SLC2A13: variants seen among roughly 807,000 people sequenced by gnomAD.
The protein encoded by SLC2A13 is solute carrier family 2 member 13.
Under a neutral mutation model 64.4 loss-of-function variants are expected in SLC2A13, and 32 were observed. The ratio of observed to expected loss-of-function variants is 0.50; its 90% CI spans 0.37 to 0.67. The LOEUF is 0.67. Ranked by LOEUF, SLC2A13 falls within the 30% of genes least tolerant of loss-of-function variation. The pLI, the probability that SLC2A13 is intolerant of heterozygous loss-of-function variation, is 0.00. For synonymous variants in SLC2A13, 338 were observed against 327.1 expected (o/e 1.03, Z -0.36); for missense variants, 743 against 829.2 (o/e 0.90, Z 1.28).
intron 4 of SLC2A13, among the ~76,000 whole-genome samples, chr12:39,899,266 C>T (rs1212142901): frequency 1.6e-4 from 25 of 152,116 alleles, no homozygotes; most frequent in African/African-American, 2.6e-4. Flanking sequence ...AGTTTATTTG[C>T]GTAGAGGTGT....
chr12:40,044,414 T>C (rs1948141572), intron 2 of SLC2A13, among the ~76,000 whole-genome samples: 1 of 152,172 alleles, frequency 6.6e-6, no homozygotes, highest in South Asian at 2.1e-4. Flanking sequence ...CATAGCTCTG[T>C]GAATACACTA....
At chr12:39,878,744 A>C (rs1410100075) in intron 4 of SLC2A13, among the ~76,000 whole-genome samples, 1 of 152,248 alleles carries the variant, frequency 6.6e-6, no homozygotes, top group African/African-American at 2.4e-5. Flanking sequence ...GAAAAAGAAA[A>C]AAGCTTTTTT....
chr12:40,030,927 C>G (rs572432285), intron 2 of SLC2A13, among the ~76,000 whole-genome samples: 3 of 152,044 alleles, frequency 2.0e-5, no homozygotes, highest in African/African-American at 7.2e-5. Flanking sequence ...GAATTTGTAC[C>G]CTCCTGCCAA....
chr12:39,769,810 T>A (rs1940497065), intron 7 of SLC2A13, among the ~76,000 whole-genome samples: 1 of 152,038 alleles, frequency 6.6e-6, no homozygotes, highest in East Asian at 1.9e-4. Flanking sequence ...AAGTTTATAC[T>A]CACGAGCTCT....
chr12:39,835,948 G>A (rs1200329687), intron 6 of SLC2A13, among the ~76,000 whole-genome samples: 6 of 152,082 alleles, frequency 3.9e-5, no homozygotes, highest in East Asian at 1.9e-4. Context: ...AAATTGCCAC[G>A]TGGTGAAAGC....
At chr12:40,007,687 C>A (rs1380082663) in intron 3 of SLC2A13, among the ~76,000 whole-genome samples, 3 of 152,040 alleles carry the variant, frequency 2.0e-5, no homozygotes, top group Non-Finnish European at 2.9e-5. Context: ...TAAACTTGGG[C>A]AAGATTGTTA....
rs900132716 is a variant in SLC2A13 at position 39,803,247 on chromosome 12, C to T, written c.1445+26856G>A. Reference sequence around the variant, plus strand: ...ACTTTCTAGAAGGACAAGCTCTCAACAGAGGCTGCACAGGATTGCCACAGA... The same window carrying T: ...ACTTTCTAGAAGGACAAGCTCTCAATAGAGGCTGCACAGGATTGCCACAGA... On this transcript the variant is annotated intron_variant, in intron 7 of 9. Coordinates refer to ENST00000280871, the MANE Select transcript of SLC2A13 (RefSeq NM_052885.4). 3.4e-5 allele frequency among the ~76,000 whole-genome samples: 5 copies of T among 145,416 alleles called. No homozygotes were observed. The East Asian group carries it at 8.1e-4, about 24-fold the overall frequency.
At chr12:39,893,963 A>ATG (rs1441619165) in intron 4 of SLC2A13, among the ~76,000 whole-genome samples, 7 of 152,250 alleles carry the variant, frequency 4.6e-5, no homozygotes, top group Non-Finnish European at 8.8e-5. Context: ...GAAGTAACAC[A>ATG]GATGCTGAAA....
chr12:39,781,832 T>A (rs1940996435), intron 7 of SLC2A13, among the ~76,000 whole-genome samples: 1 of 152,218 alleles, frequency 6.6e-6, no homozygotes, highest in African/African-American at 2.4e-5. Context: ...GGTGGGCTCA[T>A]ATACGGCCCT....
chr12:39,902,066 A>G (rs1201759778), intron 4 of SLC2A13, among the ~76,000 whole-genome samples: 1 of 152,004 alleles, frequency 6.6e-6, no homozygotes, highest in Non-Finnish European at 1.5e-5. Context: ...ATTGGAAACC[A>G]TCATTCTCAG....
intron 2 of SLC2A13, among the ~76,000 whole-genome samples, chr12:40,030,469 T>A: frequency 6.6e-6 from 1 of 152,206 alleles, no homozygotes; most frequent in East Asian, 1.9e-4. Context: ...ACCCTAAATA[T>A]ACTGGATTAG....
chr12:39,845,654 G>A (rs529672637), intron 6 of SLC2A13, among the ~76,000 whole-genome samples: 1 of 152,190 alleles, frequency 6.6e-6, no homozygotes, highest in Middle Eastern at 3.4e-3. Flanking sequence ...TGACACAGAC[G>A]AAATGAGATA....
intron 3 of SLC2A13, among the ~76,000 whole-genome samples, chr12:39,953,267 T>TA (rs1946263803): frequency 6.6e-6 from 1 of 152,190 alleles, no homozygotes; most frequent in Non-Finnish European, 1.5e-5. Flanking sequence ...CCTAGTTTTT[T>TA]AAAATCTGGA....
intron 3 of SLC2A13, among the ~76,000 whole-genome samples, chr12:39,963,855 T>C (rs1946458583): frequency 6.6e-6 from 1 of 152,206 alleles, no homozygotes; most frequent in South Asian, 2.1e-4. Flanking sequence ...AGTGAAAAGC[T>C]AACCATGTAT....
chr12:39,872,652 G>A (rs991464515), intron 4 of SLC2A13, among the ~76,000 whole-genome samples: 1 of 152,188 alleles, frequency 6.6e-6, no homozygotes, highest in Non-Finnish European at 1.5e-5. Flanking sequence ...GTTTGTTGAT[G>A]CACAATGGAA....
intron 4 of SLC2A13, among the ~76,000 whole-genome samples, chr12:39,943,789 C>T (rs572390894): frequency 1.4e-4 from 21 of 152,334 alleles, no homozygotes; most frequent in Middle Eastern, 3.4e-3. Flanking sequence ...GGCCCCAATA[C>T]TATGCTTTTC....
intron 7 of SLC2A13, among the ~76,000 whole-genome samples, chr12:39,798,313 C>A (rs1365641368): frequency 1.3e-5 from 2 of 152,052 alleles, no homozygotes; most frequent in Non-Finnish European, 2.9e-5. Flanking sequence ...GATTTGTGAC[C>A]CAGAGAAACT....
intron 3 of SLC2A13, among the ~76,000 whole-genome samples, chr12:39,961,857 G>A (rs1484639380): frequency 3.4e-5 from 5 of 148,152 alleles, no homozygotes; most frequent in East Asian, 4.0e-4. Context: ...GGAAAGCTGC[G>A]GCACAATCAC....
intron 1 of SLC2A13, among the ~76,000 whole-genome samples, chr12:40,052,539 G>A (rs1490362189): frequency 6.6e-6 from 1 of 152,040 alleles, no homozygotes; most frequent in Non-Finnish European, 1.5e-5. Context: ...TGTAACAAAG[G>A]GAGTAACCCT....
Sources: allele counts gnomAD v4.1 joint callset (sites outside exome capture counted in the v4.1 genomes callset), GRCh38; gene constraint gnomAD v4.1.1; transcripts MANE v1.5; gene names NCBI Gene and HGNC (gene_info 2026-07-23, HGNC 2026-07-21).